Variants in EYS observed in about 807,000 individuals in gnomAD.
The protein encoded by EYS is protein eyes shut homolog.
EYS carries 250 observed loss-of-function variants against 282.1 expected under a neutral mutation model. The ratio of observed to expected loss-of-function variants is 0.89; its 90% CI spans 0.80 to 0.98. The LOEUF (loss-of-function observed/expected upper bound fraction) is 0.98, where lower values mean the gene tolerates loss of function less well. Among genes scored for constraint, EYS ranks in the 50% least tolerant of loss-of-function variants. The pLI, the probability that EYS is intolerant of heterozygous loss-of-function variation, is 0.00. For synonymous variants in EYS, 1,355 were observed against 1,282.9 expected (o/e 1.06, Z -1.20); for missense variants, 4,016 against 3,709.0 (o/e 1.08, Z -2.15).
At chr6:64,467,021 AACAG>A (rs1335130334) in intron 26 of EYS, among the ~76,000 whole-genome samples, 3 of 152,308 alleles carry the variant, frequency 2.0e-5, no homozygotes, top group Non-Finnish European at 2.9e-5. Context: ...GTTCACTACA[AACAG>A]ACAAACTAAA....
intron 2 of EYS, among the ~76,000 whole-genome samples, chr6:65,589,317 C>G (rs1217625303): frequency 6.6e-6 from 1 of 152,050 alleles, no homozygotes; most frequent in Non-Finnish European, 1.5e-5. Flanking sequence ...TCTCATTTGA[C>G]TCTTTGACGA....
intron 12 of EYS, among the ~76,000 whole-genome samples, chr6:65,253,834 C>T (rs1263303942): frequency 6.6e-6 from 1 of 151,658 alleles, no homozygotes; most frequent in African/African-American, 2.4e-5. Flanking sequence ...CTTTTTATTA[C>T]GTAGTGACTT....
chr6:65,349,868 A>G (rs965191478), intron 9 of EYS, among the ~76,000 whole-genome samples: 2 of 151,562 alleles, frequency 1.3e-5, no homozygotes, highest in Non-Finnish European at 3.0e-5. Context: ...GCATGCGCCT[A>G]TACTACAGCA....
intron 35 of EYS, among the ~76,000 whole-genome samples, chr6:63,949,773 CT>C (rs1222457985): frequency 6.6e-6 from 1 of 152,166 alleles, no homozygotes; most frequent in African/African-American, 2.4e-5. Context: ...AGTTGGATTC[CT>C]AAGAACCTTT....
At chr6:64,403,155 A>G (rs1362026920) in intron 28 of EYS, among the ~76,000 whole-genome samples, 1 of 152,152 alleles carries the variant, frequency 6.6e-6, no homozygotes, top group Non-Finnish European at 1.5e-5. Context: ...ACATCTAGTA[A>G]TATTCCCTTG....
intron 5 of EYS, among the ~76,000 whole-genome samples, chr6:65,431,657 A>T (rs1767894057): frequency 6.6e-6 from 1 of 152,116 alleles, no homozygotes; most frequent in South Asian, 2.1e-4. Flanking sequence ...TGCTCAAATT[A>T]TATTCATGAT....
chr6:63,794,367 CA>C (rs1331545242), intron 37 of EYS, among the ~76,000 whole-genome samples: 2 of 152,126 alleles, frequency 1.3e-5, no homozygotes, highest in Non-Finnish European at 2.9e-5. Context: ...AGAAGTAGTA[CA>C]ATTTTTCTTT....
intron 19 of EYS, among the ~76,000 whole-genome samples, chr6:64,842,760 C>A (rs1021221109): frequency 6.6e-6 from 1 of 151,896 alleles, no homozygotes; most frequent in African/African-American, 2.4e-5. Flanking sequence ...TTAAGAGTAT[C>A]TGATGGAAGA....
At chr6:64,426,544 T>G (rs973192477) in intron 28 of EYS, among the ~76,000 whole-genome samples, 20 of 152,160 alleles carry the variant, frequency 1.3e-4, no homozygotes, top group African/African-American at 4.6e-4. Context: ...TAAAGCCTTT[T>G]TTTTTCTTTT....
At chr6:64,189,284 CAA>C (rs1337550583) in intron 31 of EYS, among the ~76,000 whole-genome samples, 4 of 152,120 alleles carry the variant, frequency 2.6e-5, no homozygotes, top group African/African-American at 9.7e-5. Context: ...GCCACTGGGC[CAA>C]ATATGGCCCA....
At chr6:64,142,339 A>C (rs963247520) in intron 31 of EYS, among the ~76,000 whole-genome samples, 3 of 151,970 alleles carry the variant, frequency 2.0e-5, no homozygotes, top group Admixed American at 6.6e-5. Context: ...AGCAGAAGTG[A>C]ACTATAAGCT....
chr6:64,476,373 T>C (rs1339211487), intron 26 of EYS, among the ~76,000 whole-genome samples: 1 of 151,960 alleles, frequency 6.6e-6, no homozygotes, highest in African/African-American at 2.4e-5. Flanking sequence ...ATTAATATTA[T>C]TTTTTGAAGT....
intron 35 of EYS, among the ~76,000 whole-genome samples, chr6:63,869,822 G>C (rs941523588): frequency 7.9e-5 from 12 of 152,188 alleles, no homozygotes; most frequent in Admixed American, 7.2e-4. Flanking sequence ...AGAAGGATAA[G>C]GTGTAGGGTA....
At chr6:65,521,755 T>C (rs1335138913) in intron 2 of EYS, among the ~76,000 whole-genome samples, 4 of 152,222 alleles carry the variant, frequency 2.6e-5, no homozygotes, top group Non-Finnish European at 5.9e-5. Flanking sequence ...TACAGAAGAT[T>C]GTAAATGTAA....
At position 65,032,679 on chromosome 6, in the gene EYS, T is replaced by C. The variant is rs61319480; in HGVS notation, c.2137+24935A>G. Reference sequence around the variant, plus strand: ...GTGAGCTAATGAAATATCTCTCTCTTTTTTTTTTTAAATAAATTACCCAGT... The same window carrying C: ...GTGAGCTAATGAAATATCTCTCTCTCTTTTTTTTTAAATAAATTACCCAGT... On this transcript the variant is annotated intron_variant, in intron 13 of 42. Coordinates refer to ENST00000503581, the MANE Select transcript of EYS (RefSeq NM_001142800.2). 6.8e-3 allele frequency among the ~76,000 whole-genome samples: 1,025 copies of C among 149,648 alleles called. 18 individuals carry two copies. Among genetic ancestry groups the C allele is most frequent in the African/African-American group, 0.022 (887 of 40,936 alleles).
chr6:64,043,894 T>C (rs567939708), intron 33 of EYS, among the ~76,000 whole-genome samples: 16 of 152,294 alleles, frequency 1.1e-4, no homozygotes, highest in African/African-American at 3.6e-4. Flanking sequence ...ACCATTACTG[T>C]TCCCCTTAAA....
chr6:63,871,904 G>T (rs1772815380), intron 35 of EYS, among the ~76,000 whole-genome samples: 1 of 152,052 alleles, frequency 6.6e-6, no homozygotes, highest in African/African-American at 2.4e-5. Flanking sequence ...ACTCAGTGCT[G>T]CTCACCCCCA....
chr6:64,400,772 C>T (rs1561973895), intron 28 of EYS, among the ~76,000 whole-genome samples: 1 of 152,038 alleles, frequency 6.6e-6, no homozygotes, highest in Non-Finnish European at 1.5e-5. Context: ...GTCAAATGAG[C>T]AGAATAGTTT....
At chr6:64,725,345 A>G (rs1383311616) in intron 22 of EYS, among the ~76,000 whole-genome samples, 1 of 152,018 alleles carries the variant, frequency 6.6e-6, no homozygotes, top group Non-Finnish European at 1.5e-5. Flanking sequence ...TCATGTTTTG[A>G]GTTACTTTCC....
Sources: gnomAD v4.1 joint callset for allele counts (sites outside exome capture counted in the v4.1 genomes callset) on GRCh38, gnomAD v4.1.1 for gene constraint, MANE v1.5 for transcripts, NCBI Gene and HGNC (gene_info 2026-07-23, HGNC 2026-07-21) for gene names.